Variants in MYO3B observed in about 807,000 individuals in gnomAD.
MYO3B encodes the protein myosin IIIB.
In MYO3B, 156 loss-of-function variants were observed where a neutral mutation model predicts 174.6. The ratio of observed to expected loss-of-function variants is 0.89; its 90% CI spans 0.78 to 1.02. The LOEUF is 1.02. MYO3B is among the 50% of genes least tolerant of loss of function. The probability of loss-of-function intolerance (pLI) is 0.00; values close to 1 mark genes in which losing one functional copy is unlikely to be tolerated. For missense variants in MYO3B, 1,632 were observed against 1,639.4 expected (o/e 1.00, Z 0.08); for synonymous variants, 563 against 569.1 (o/e 0.99, Z 0.15).
chr2:170,459,711 G>A (rs1236670716), intron 23 of MYO3B, among the ~76,000 whole-genome samples: 2 of 152,180 alleles, frequency 1.3e-5, no homozygotes, highest in African/African-American at 4.8e-5. Context: ...CAAGGCTCGG[G>A]CCGCATGGGA....
At chr2:170,494,727 C>CAAAAAAAAAAAAAAAAA (rs3066990) in intron 25 of MYO3B, among the ~76,000 whole-genome samples, 3 of 92,016 alleles carry the variant, frequency 3.3e-5, no homozygotes, top group Non-Finnish European at 6.2e-5. Flanking sequence ...AACTGCGTCT[C>CAAAAAAAAAAAAAAAAA]AAAAAAAAAA....
intron 30 of MYO3B, chr2:170,519,972 CAAA>C (rs11315187): frequency 0.024 from 2,217 of 92,320 alleles, 20 homozygotes; most frequent in East Asian, 0.041. Context: ...GACTCTGTCT[CAAA>C]AAAAAAAAAA....
intron 32 of MYO3B, chr2:170,602,159 G>A (rs1433309056): frequency 2.3e-5 from 29 of 1,239,006 alleles, no homozygotes; most frequent in South Asian, 6.0e-5. Flanking sequence ...CACTCCTCCC[G>A]ACAAGTTTGC....
chr2:170,613,247 A>C (rs1695230073), intron 32 of MYO3B, among the ~76,000 whole-genome samples: 1 of 152,168 alleles, frequency 6.6e-6, no homozygotes, highest in Non-Finnish European at 1.5e-5. Flanking sequence ...TGGAGTGCTG[A>C]ACACAATTCA....
At chr2:170,517,216 T>C (rs1477045937) in intron 29 of MYO3B, among the ~76,000 whole-genome samples, 1 of 152,254 alleles carries the variant, frequency 6.6e-6, no homozygotes, top group Non-Finnish European at 1.5e-5. Context: ...TGTAAGTTTC[T>C]GGTTTTATAC....
At chr2:170,453,669 T>G (rs1450239640) in intron 23 of MYO3B, among the ~76,000 whole-genome samples, 1 of 152,178 alleles carries the variant, frequency 6.6e-6, no homozygotes, top group Admixed American at 6.5e-5. Flanking sequence ...ACTTTCTGTT[T>G]TATGGAACCA....
intron 28 of MYO3B, among the ~76,000 whole-genome samples, chr2:170,508,674 T>C (rs113428991): frequency 5.3e-5 from 8 of 152,330 alleles, no homozygotes; most frequent in African/African-American, 1.9e-4. Context: ...TTGGTTTCCA[T>C]CTTGAATATG....
rs2094340330 is a variant in MYO3B, at chr2:170,382,127, G to C, written c.1068+15G>C. 6.3e-7 allele frequency: 1 copy of C among 1,596,522 alleles called. No homozygotes were observed. The stretch of plus-strand genomic sequence containing the variant: ...TTCTGGATGAGGTACTAAATATTTA[G>C]TAGACAATTCTCATTGAAGACATTT... On this transcript the variant is annotated intron_variant, in intron 10 of 34. Transcript: ENST00000408978.
chr2:170,211,745 C>T (rs2092772657), intron 3 of MYO3B, among the ~76,000 whole-genome samples: 1 of 152,130 alleles, frequency 6.6e-6, no homozygotes, highest in African/African-American at 2.4e-5. Context: ...CACATGGTTA[C>T]AGGTCACAAT....
chr2:170,630,068 G>A (rs10184297), intron 32 of MYO3B, among the ~76,000 whole-genome samples: 10,282 of 152,284 alleles, frequency 0.068, 1,171 homozygotes, highest in African/African-American at 0.23. Context: ...GAAAGTGGGT[G>A]CAGCCCATGG....
chr2:170,216,038 G>A (rs894458426), intron 5 of MYO3B, among the ~76,000 whole-genome samples: 1 of 152,192 alleles, frequency 6.6e-6, no homozygotes, highest in Non-Finnish European at 1.5e-5. Flanking sequence ...TACCAAAATT[G>A]TGGTGGAGGA....
At chr2:170,420,041 G>T (rs1195441151) in intron 22 of MYO3B, among the ~76,000 whole-genome samples, 2 of 152,038 alleles carry the variant, frequency 1.3e-5, no homozygotes, top group Admixed American at 6.6e-5. Flanking sequence ...AAATTAACTG[G>T]GTGTGGTGAT....
chr2:170,493,110 A>G (rs1686597121), intron 25 of MYO3B, among the ~76,000 whole-genome samples: 1 of 152,226 alleles, frequency 6.6e-6, no homozygotes, highest in Non-Finnish European at 1.5e-5. Flanking sequence ...ATGTGCCTAC[A>G]TTCCAAACAA....
At chr2:170,262,506 G>A (rs987325196) in intron 7 of MYO3B, among the ~76,000 whole-genome samples, 1 of 152,160 alleles carries the variant, frequency 6.6e-6, no homozygotes, top group African/African-American at 2.4e-5. Context: ...AAGGTGAAAT[G>A]TGAGGAGCCT....
chr2:170,342,523 C>G (rs1029895398), intron 8 of MYO3B, among the ~76,000 whole-genome samples: 3 of 106,868 alleles, frequency 2.8e-5, no homozygotes, highest in Non-Finnish European at 4.2e-5. Flanking sequence ...CACTTACTGG[C>G]TGTGTAATCT....
chr2:170,351,763 G>A (rs2094072635), intron 8 of MYO3B, among the ~76,000 whole-genome samples: 1 of 152,100 alleles, frequency 6.6e-6, no homozygotes. Context: ...AACAAATGAA[G>A]CATAAATTCG....
intron 32 of MYO3B, among the ~76,000 whole-genome samples, chr2:170,591,667 G>A (rs943165630): frequency 5.9e-5 from 9 of 152,134 alleles, no homozygotes; most frequent in Non-Finnish European, 1.2e-4. Flanking sequence ...GGATTTTAGT[G>A]ATTATCTATT....
intron 30 of MYO3B, among the ~76,000 whole-genome samples, chr2:170,523,577 G>A (rs1251468190): frequency 1.3e-5 from 2 of 152,152 alleles, no homozygotes; most frequent in Non-Finnish European, 2.9e-5. Flanking sequence ...GATCCCTCGA[G>A]ACAAAAGGTC....
intron 5 of MYO3B, 76 bp downstream of exon 5, chr2:170,214,904 G>GCCCC: frequency 8.1e-6 from 9 of 1,114,102 alleles, no homozygotes; most frequent in Non-Finnish European, 1.1e-5. Context: ...AATCTCAGAA[G>GCCCC]ACTGGGGCTT....
Sources: allele counts gnomAD v4.1 joint callset (sites outside exome capture counted in the v4.1 genomes callset), GRCh38; gene constraint gnomAD v4.1.1; transcripts MANE v1.5; gene names NCBI Gene and HGNC (gene_info 2026-07-23, HGNC 2026-07-21).